Variants in ITGA3 observed in about 807,000 individuals in gnomAD.
The protein encoded by ITGA3 is integrin subunit alpha 3.
ITGA3 carries 70 observed loss-of-function variants against 131.1 expected under a neutral mutation model. The ratio of observed to expected loss-of-function variants is 0.53; its 90% CI spans 0.44 to 0.65. The LOEUF is 0.65. Ranked by LOEUF, ITGA3 falls within the 30% of genes least tolerant of loss-of-function variation. ITGA3 has a pLI of 0.00. For synonymous variants in ITGA3, 537 were observed against 571.6 expected, an observed-to-expected ratio of 0.94 and a Z score of 0.86; for missense variants, 1,098 against 1,388.6, an observed-to-expected ratio of 0.79 and a Z score of 3.33.
chr17:50,060,095 C>T (rs930502193), intron 1 of ITGA3, among the ~76,000 whole-genome samples: 4 of 152,290 alleles, frequency 2.6e-5, no homozygotes, highest in East Asian at 1.9e-4. Context: ...GAGCTGGGAT[C>T]CAGGCATCCC....
At chr17:50,072,306 C>G (rs760776525) in intron 7 of ITGA3, 124 bp downstream of exon 7, 13 of 867,222 alleles carry the variant, frequency 1.5e-5, no homozygotes, top group Non-Finnish European at 2.0e-5. Context: ...AGGATGGGGC[C>G]GGACCTGGGG....
chr17:50,062,589 A>T (rs1467954036), intron 1 of ITGA3, among the ~76,000 whole-genome samples: 1 of 152,160 alleles, frequency 6.6e-6, no homozygotes, highest in Non-Finnish European at 1.5e-5. Flanking sequence ...AGTATAGGCA[A>T]GGTCCCACCC....
rs137929880 is a variant in ITGA3 at position 50,070,863 on chromosome 17, G to C, written c.684G>C (p.Gln228His). The change falls in exon 5 of 26, where the codon CAG (glutamine) becomes CAC (histidine). Residue 228 changes from glutamine (Q) to histidine (H), a missense_variant. Physicochemically the swap from Gln to His is conservative, Grantham distance 24. Coordinates refer to ENST00000320031, the MANE Select transcript of ITGA3 (RefSeq NM_002204.4). ...GTGAAGGAAACAGCTACATGATTCA[G>C]CGCAAGGAGTGGGACTTATCTGAGT... is the stretch of plus-strand genomic sequence containing the variant. Reference protein sequence around the residue: ...YNWKGNSYMIQRKEWDLSEYS... With the variant: ...YNWKGNSYMIHRKEWDLSEYS... The C allele has an allele frequency of 4.3e-6, 7 of 1,611,940 alleles. No homozygotes were observed. In the African/African-American group the frequency reaches 8.0e-5, roughly 18 times the overall value.
intron 1 of ITGA3, among the ~76,000 whole-genome samples, chr17:50,062,153 A>G (rs879452739): frequency 1.3e-5 from 2 of 152,200 alleles, no homozygotes; most frequent in Non-Finnish European, 2.9e-5. Context: ...CAATGCTCAC[A>G]TTAGCTATGG....
At chr17:50,075,381 C>A in intron 10 of ITGA3, 78 bp from the exon 11 acceptor site, 1 of 1,468,424 alleles carries the variant, frequency 6.8e-7, no homozygotes, top group Non-Finnish European at 9.5e-7. Flanking sequence ...TTTCCTTTTG[C>A]CCAGTACAGA....
intron 1 of ITGA3, among the ~76,000 whole-genome samples, chr17:50,062,871 C>G (rs532840362): frequency 6.6e-6 from 1 of 152,332 alleles, no homozygotes; most frequent in South Asian, 2.1e-4. Context: ...TGCCTGCCAC[C>G]CGAGAAGGCC....
At chr17:50,058,032 CCTAA>C (rs1354053411) in intron 1 of ITGA3, among the ~76,000 whole-genome samples, 22 of 152,154 alleles carry the variant, frequency 1.4e-4, no homozygotes, top group Admixed American at 5.9e-4. Flanking sequence ...CTCTTTCTGC[CCTAA>C]CTGAGAAAAA....
At position 50,087,785 on chromosome 17, in the gene ITGA3, G is replaced by A. The variant is rs758600174; in HGVS notation, c.2961G>A (p.Pro987=). The A allele has an allele frequency of 7.6e-5, 123 of 1,613,152 alleles. No homozygotes were observed. Among genetic ancestry groups the A allele is most frequent in the South Asian group, 9.9e-5 (9 of 91,040 alleles). Residue 987 remains proline, a synonymous_variant, in exon 24 of 26, where the codon CCG becomes CCA. Transcript: ENST00000320031. ...DIDSELVEEL[P]AEIELWLVLV... ...ACTCGGAGCTGGTGGAGGAGCTGCC[G>A]GCCGAAATCGAGCTGTGGCTGGTGC... is the stretch of plus-strand genomic sequence containing the variant.
intron 1 of ITGA3, among the ~76,000 whole-genome samples, chr17:50,061,814 T>A (rs1001349724): frequency 1.3e-5 from 2 of 151,764 alleles, no homozygotes; most frequent in Non-Finnish European, 2.9e-5. Context: ...CCGAGGCGGG[T>A]GGATCACCTG....
intron 3 of ITGA3, among the ~76,000 whole-genome samples, chr17:50,066,318 CTTT>C (rs112713558): frequency 3.6e-5 from 5 of 138,298 alleles, no homozygotes; most frequent in African/African-American, 8.1e-5. Flanking sequence ...CTTTTTCTTT[CTTT>C]TTTTTTTTTT....
Position 50,074,271 on chromosome 17 carries a change from T to C in ITGA3, c.1373T>C (p.Val458Ala). 6.2e-7 allele frequency: 1 copy of C among 1,614,132 alleles called. No homozygotes were observed. The highest frequency in any genetic ancestry group is 8.5e-7 in the Non-Finnish European group (1 of 1,179,968). Reference protein sequence around the residue: ...LLVGSLSDHIVLLRARPVINI... With the variant: ...LLVGSLSDHIALLRARPVINI... ...GTGGGAAGCCTGTCAGACCACATTGTGCTGCTGCGGTGAGCCAGGAGGCCA... is the reference window on the plus strand; with the variant it reads ...GTGGGAAGCCTGTCAGACCACATTGCGCTGCTGCGGTGAGCCAGGAGGCCA... Residue 458 changes from valine (V) to alanine (A), a missense_variant, in exon 9 of 26, where the codon GTG becomes GCG. Around this residue, in one of 3 missense-constraint regions of ITGA3, gnomAD observed 699 missense variants for 829.2 expected, o/e 0.84. Transcript: ENST00000320031.
Position 50,056,480 on chromosome 17 carries a change from T to C in ITGA3, c.41T>C (p.Leu14Pro), listed in dbSNP as rs1463803272. 1 of 1,549,116 alleles carries C rather than the reference T, an allele frequency of 6.5e-7. No individual in the cohort carries two copies. The highest frequency in any genetic ancestry group is 8.7e-7 in the Non-Finnish European group (1 of 1,146,674). Residue 14 changes from leucine to proline, a missense_variant, in exon 1 of 26, where the codon CTG (leucine) becomes CCG (proline). Around this residue, in one of 3 missense-constraint regions of ITGA3, gnomAD observed 43 missense variants for 30.3 expected, o/e 1.42. Transcript: ENST00000320031. This position sits in a 1 kb window ranked among gnomAD's most constrained non-coding sequence, Gnocchi z 5.6. Reference protein sequence around the residue: ...GPSRAPRAPRLMLCALALMVA... With the variant: ...GPSRAPRAPRPMLCALALMVA... Reference sequence around the variant, plus strand: ...AGCCGCGCGCCCCGCGCCCCACGCCTGATGCTCTGTGCGCTCGCCTTGATG... The same window carrying C: ...AGCCGCGCGCCCCGCGCCCCACGCCCGATGCTCTGTGCGCTCGCCTTGATG...
At chr17:50,088,434 T>C (rs920305459) in intron 25 of ITGA3, 68 bp downstream of exon 25, 2 of 794,652 alleles carry the variant, frequency 2.5e-6, no homozygotes, top group Non-Finnish European at 4.2e-6. Context: ...CTGTCCTATC[T>C]GCTCCTCTTC....
At chr17:50,073,621 C>CAA (rs1908733762) in intron 7 of ITGA3, among the ~76,000 whole-genome samples, 1 of 137,364 alleles carries the variant, frequency 7.3e-6, no homozygotes, top group African/African-American at 2.8e-5. Context: ...CACACACACA[C>CAA]ACACACACAC....
chr17:50,076,824 G>C, intron 14 of ITGA3, 143 bp downstream of exon 14: 1 of 1,172,828 alleles, frequency 8.5e-7, no homozygotes. Context: ...CAGAAACGGG[G>C]CTTTCTCCTC....
intron 23 of ITGA3, 172 bp from the exon 24 acceptor site, chr17:50,087,572 A>C (rs1275980926): frequency 1.6e-6 from 1 of 641,588 alleles, no homozygotes; most frequent in Non-Finnish European, 2.6e-6. Context: ...AGAAGCAGGA[A>C]GGACCACTGG....
At chr17:50,077,515 C>A in intron 16 of ITGA3, 68 bp downstream of exon 16, 1 of 1,219,436 alleles carries the variant, frequency 8.2e-7, no homozygotes, top group Non-Finnish European at 1.2e-6. Context: ...GCTCCTTGTC[C>A]TTCCAGCCTC....
Position 50,079,596 on chromosome 17 carries a change from C to A in ITGA3, c.2706+39C>A, listed in dbSNP as rs758733771. 10 of 1,482,816 alleles carry A rather than the reference C, an allele frequency of 6.7e-6. No homozygotes were observed. The African/African-American group carries it at 1.4e-4, about 21-fold the overall frequency. 91.9% of individuals were successfully genotyped at this position (1,482,816 alleles called of 1,614,324 possible). ...GCGAGGTTGGAGGGGATTGCATCCA[C>A]CCCATCACAGGGTGCCTGGGCACCA... On this transcript the variant is annotated intron_variant, in intron 21 of 25. Transcript: ENST00000320031.
At position 50,075,759 on chromosome 17, in the gene ITGA3, A is replaced by T. The variant is rs553213020; in HGVS notation, c.1674+24A>T. 9.1e-5 allele frequency: 146 copies of T among 1,613,136 alleles called. 2 individuals carry two copies. In the South Asian group the frequency reaches 1.4e-3, roughly 16 times the overall value. On this transcript the variant is annotated intron_variant, in intron 12 of 25. Coordinates refer to ENST00000320031, the MANE Select transcript of ITGA3 (RefSeq NM_002204.4). The stretch of plus-strand genomic sequence containing the variant: ...TGGTGAGGGAGGAGCAAGGGTCAGG[A>T]TGAGGGCTCCCAGGTCCCTGGAGGA...
Sources: gnomAD v4.1 joint callset for allele counts (sites outside exome capture counted in the v4.1 genomes callset) on GRCh38, gnomAD v4.1.1 for gene constraint, gnomAD v4.1.1 regional missense constraint, Gnocchi (gnomAD v3.1) non-coding constraint, MANE v1.5 for transcripts, NCBI Gene and HGNC (gene_info 2026-07-23, HGNC 2026-07-21) for gene names.